The following CNTNAP2 variants were observed in gnomAD, a reference collection of about 807,000 sequenced individuals.
CNTNAP2 encodes contactin associated protein 2, also known as contactin-associated protein-like 2.
In CNTNAP2, 98 loss-of-function variants were observed where a neutral mutation model predicts 155.2. The ratio of observed to expected loss-of-function variants is 0.63; its 90% CI spans 0.54 to 0.75. CNTNAP2 has a LOEUF of 0.75. Ranked by LOEUF, CNTNAP2 falls within the 30% of genes least tolerant of loss-of-function variation. The probability of loss-of-function intolerance (pLI) is 0.00; values close to 1 mark genes in which losing one functional copy is unlikely to be tolerated. For synonymous variants in CNTNAP2, 651 were observed against 631.2 expected (o/e 1.03, Z -0.47); for missense variants, 1,727 against 1,688.1 (o/e 1.02, Z -0.40).
intron 15 of CNTNAP2, among the ~76,000 whole-genome samples, chr7:148,054,445 G>A (rs1243872926): frequency 1.6e-5 from 2 of 124,394 alleles, no homozygotes; most frequent in Non-Finnish European, 3.2e-5. Flanking sequence ...TCTCTCAGTG[G>A]CCTTTTTTTT....
chr7:146,382,884 G>C (rs1795410362), intron 1 of CNTNAP2, among the ~76,000 whole-genome samples: 1 of 151,964 alleles, frequency 6.6e-6, no homozygotes, highest in African/African-American at 2.4e-5. Context: ...TCAAACCATA[G>C]ATGAAGAATT....
rs1484966370 is a variant in CNTNAP2, at chr7:146,874,087, T to TAAC, written c.402+34184_402+34185insACA. Among the ~76,000 whole-genome samples the TAAC allele has an allele frequency of 7.2e-3, 1,102 of 152,088 alleles. 15 individuals carry two copies. Among genetic ancestry groups the TAAC allele is most frequent in the African/African-American group, 0.025 (1,020 of 41,502 alleles). On this transcript the variant is annotated intron_variant, in intron 3 of 23. Transcript: ENST00000361727. ...CAATTTGATGCATCAAAAAGAGGGT[T>TAAC]ACTCTTAAATTCTCGGGAGAAGTGA...
chr7:147,202,285 C>G (rs1802937318), intron 8 of CNTNAP2, among the ~76,000 whole-genome samples: 1 of 145,706 alleles, frequency 6.9e-6, no homozygotes, highest in Non-Finnish European at 1.5e-5. Context: ...AGTGATGGAA[C>G]TACAACATGC....
chr7:147,469,664 G>T (rs539626863), intron 10 of CNTNAP2, among the ~76,000 whole-genome samples: 1 of 151,524 alleles, frequency 6.6e-6, no homozygotes, highest in Admixed American at 6.6e-5. Flanking sequence ...GACTACAGGC[G>T]CCCGCCACCA....
At chr7:146,566,305 T>A (rs1236978186) in intron 1 of CNTNAP2, among the ~76,000 whole-genome samples, 8 of 152,242 alleles carry the variant, frequency 5.3e-5, no homozygotes, top group Non-Finnish European at 1.2e-4. Flanking sequence ...ATCTTTCAAT[T>A]TCCATGAAGC....
At chr7:148,037,922 T>C (rs901333899) in intron 15 of CNTNAP2, among the ~76,000 whole-genome samples, 11 of 152,280 alleles carry the variant, frequency 7.2e-5, no homozygotes, top group African/African-American at 2.6e-4. Flanking sequence ...TATGACCCCA[T>C]TGTAAGTGGA....
At chr7:146,514,859 T>C (rs1387480203) in intron 1 of CNTNAP2, among the ~76,000 whole-genome samples, 1 of 152,126 alleles carries the variant, frequency 6.6e-6, no homozygotes, top group Non-Finnish European at 1.5e-5. Context: ...TTATATCTGC[T>C]TAGAGGTGTA....
intron 2 of CNTNAP2, among the ~76,000 whole-genome samples, chr7:146,821,222 T>A (rs1390746237): frequency 6.6e-6 from 1 of 152,144 alleles, no homozygotes; most frequent in African/African-American, 2.4e-5. Context: ...GTTAGCTGGT[T>A]ATTTTGCTCG....
chr7:147,787,114 T>C (rs1034160425), intron 13 of CNTNAP2, among the ~76,000 whole-genome samples: 1 of 152,166 alleles, frequency 6.6e-6, no homozygotes, highest in Non-Finnish European at 1.5e-5. Flanking sequence ...TAGTGATGCA[T>C]ATGGTAGAGA....
chr7:147,251,495 G>A (rs979200663), intron 8 of CNTNAP2, among the ~76,000 whole-genome samples: 5 of 152,184 alleles, frequency 3.3e-5, no homozygotes, highest in Non-Finnish European at 4.4e-5. Context: ...TCTGACCTGT[G>A]GAGTGACTTG....
At chr7:148,082,424 C>G (rs926087125) in intron 15 of CNTNAP2, among the ~76,000 whole-genome samples, 1 of 152,070 alleles carries the variant, frequency 6.6e-6, no homozygotes, top group African/African-American at 2.4e-5. Context: ...GGAGGGAACA[C>G]TTATTGATTG....
At chr7:146,255,712 TAGAC>T (rs1210935917) in intron 1 of CNTNAP2, among the ~76,000 whole-genome samples, 2 of 152,146 alleles carry the variant, frequency 1.3e-5, no homozygotes, top group Non-Finnish European at 2.9e-5. Context: ...GTGGTATAAT[TAGAC>T]AGAGAGACAA....
At chr7:147,296,101 C>T (rs1274589848) in intron 8 of CNTNAP2, among the ~76,000 whole-genome samples, 2 of 151,934 alleles carry the variant, frequency 1.3e-5, no homozygotes, top group Non-Finnish European at 2.9e-5. Flanking sequence ...TTAGAGTAAC[C>T]GAAGATATTT....
chr7:147,269,640 C>G (rs1804695215), intron 8 of CNTNAP2, among the ~76,000 whole-genome samples: 1 of 152,082 alleles, frequency 6.6e-6, no homozygotes, highest in Non-Finnish European at 1.5e-5. Context: ...GACAGAAGGG[C>G]CAGGACAATC....
chr7:146,580,274 T>C (rs564219894), intron 1 of CNTNAP2, among the ~76,000 whole-genome samples: 8 of 152,302 alleles, frequency 5.3e-5, no homozygotes, highest in African/African-American at 1.9e-4. Flanking sequence ...ACATGCGTTG[T>C]ATGACTTGTT....
intron 4 of CNTNAP2, among the ~76,000 whole-genome samples, chr7:147,101,667 T>A (rs575259406): frequency 6.6e-6 from 1 of 152,008 alleles, no homozygotes; most frequent in Non-Finnish European, 1.5e-5. Flanking sequence ...GGAAAGGAGA[T>A]GGAGTGGGAA....
intron 9 of CNTNAP2, among the ~76,000 whole-genome samples, chr7:147,311,062 G>A (rs1294736870): frequency 6.6e-6 from 1 of 152,178 alleles, no homozygotes. Context: ...CAAGGATGAT[G>A]AGATACTGAG....
At chr7:146,865,828 C>A (rs1047455502) in intron 3 of CNTNAP2, among the ~76,000 whole-genome samples, 1 of 152,078 alleles carries the variant, frequency 6.6e-6, no homozygotes. Context: ...AAATGAAAAT[C>A]AAACCACATG....
At chr7:146,445,901 G>A (rs1639458) in intron 1 of CNTNAP2, among the ~76,000 whole-genome samples, 5,427 of 152,122 alleles carry the variant, frequency 0.036, 344 homozygotes, top group African/African-American at 0.12. Flanking sequence ...CTAGTATCTC[G>A]GGTAGGAAAT....
Sources: allele counts gnomAD v4.1 joint callset (sites outside exome capture counted in the v4.1 genomes callset), GRCh38; gene constraint gnomAD v4.1.1; transcripts MANE v1.5; gene names NCBI Gene and HGNC (gene_info 2026-07-23, HGNC 2026-07-21).